Variants in TENM4 observed in about 807,000 individuals in gnomAD.
TENM4 encodes the protein teneurin transmembrane protein 4.
Under a neutral mutation model 243.3 loss-of-function variants are expected in TENM4, and 82 were observed. That is an observed-to-expected ratio of 0.34 (90% CI 0.28 to 0.40). The LOEUF is 0.40. Ranked by LOEUF, TENM4 falls within the 10% of genes least tolerant of loss-of-function variation. The pLI, the probability that TENM4 is intolerant of heterozygous loss-of-function variation, is 1.00. For synonymous variants in TENM4, 1,412 were observed against 1,456.3 expected, an observed-to-expected ratio of 0.97 and a Z score of 0.69; for missense variants, 3,138 against 3,673.3, an observed-to-expected ratio of 0.85 and a Z score of 3.77.
chr11:78,727,274 T>C (rs1167359495), intron 22 of TENM4, among the ~76,000 whole-genome samples: 3 of 152,108 alleles, frequency 2.0e-5, no homozygotes, highest in Admixed American at 6.5e-5. Context: ...TGGTGAAACC[T>C]CGTCTCTACT....
At chr11:78,670,634 G>T in intron 31 of TENM4, 83 bp from the exon 32 acceptor site, 2 of 1,283,232 alleles carry the variant, frequency 1.6e-6, no homozygotes, top group Non-Finnish European at 2.2e-6. Flanking sequence ...TTAAAGGGAC[G>T]GAATGAATGT....
At chr11:79,421,050 A>G (rs1858920505) in intron 1 of TENM4, among the ~76,000 whole-genome samples, 1 of 152,140 alleles carries the variant, frequency 6.6e-6, no homozygotes, top group Admixed American at 6.5e-5. Context: ...AGTATTTTTT[A>G]AATGTGTAAA....
rs911614461 is a variant in TENM4 at position 79,077,150 on chromosome 11, G to A, written c.-65-7141C>T. 3.9e-5 allele frequency among the ~76,000 whole-genome samples: 6 copies of A among 152,226 alleles called. No homozygotes were observed. In the South Asian group the frequency reaches 6.2e-4, roughly 16 times the overall value. ...GAGACTCCCTTCTTCTCTCCTCCCC[G>A]AACTCCCAGTTCCTACCCTCCTGTG... On this transcript the variant is annotated intron_variant, in intron 4 of 33. Transcript: ENST00000278550.
chr11:78,931,724 T>C (rs1010846298), intron 6 of TENM4, among the ~76,000 whole-genome samples: 6 of 152,230 alleles, frequency 3.9e-5, no homozygotes, highest in Non-Finnish European at 7.3e-5. Context: ...AGAGTACTAG[T>C]GGTTCTGAAA....
intron 1 of TENM4, among the ~76,000 whole-genome samples, chr11:79,389,158 C>CTGTT (rs1044472021): frequency 4.3e-4 from 65 of 151,656 alleles, no homozygotes; most frequent in Non-Finnish European, 3.2e-4. Flanking sequence ...TTTTTTTAGT[C>CTGTT]TGTTTGTTTG....
chr11:79,049,271 T>C (rs1859738189), intron 6 of TENM4, among the ~76,000 whole-genome samples: 1 of 152,274 alleles, frequency 6.6e-6, no homozygotes, highest in Non-Finnish European at 1.5e-5. Flanking sequence ...ACACGGCTCT[T>C]CCCCCCTACT....
At chr11:78,688,539 G>A in intron 28 of TENM4, among the ~76,000 whole-genome samples, 1 of 152,064 alleles carries the variant, frequency 6.6e-6, no homozygotes, top group East Asian at 1.9e-4. Context: ...AATTGTGAGG[G>A]GGAGAGATGA....
chr11:79,190,543 A>G (rs187803919), intron 3 of TENM4, among the ~76,000 whole-genome samples: 197 of 152,298 alleles, frequency 1.3e-3, no homozygotes, highest in Non-Finnish European at 2.1e-3. Flanking sequence ...ATGAGAGTCA[A>G]AAATAATACA....
intron 27 of TENM4, among the ~76,000 whole-genome samples, chr11:78,707,300 C>T (rs547450465): frequency 9.2e-5 from 14 of 152,366 alleles, no homozygotes; most frequent in African/African-American, 3.4e-4. Flanking sequence ...ATGGGCCTGG[C>T]CCAGCCAAAG....
chr11:78,766,705 A>AGT (rs1565370289), intron 18 of TENM4, among the ~76,000 whole-genome samples: 17 of 54,508 alleles, frequency 3.1e-4, no homozygotes, highest in African/African-American at 1.1e-3. Flanking sequence ...CGGCTCCCCC[A>AGT]ATTTTTTTTT....
chr11:78,941,327 T>C (rs974007952), intron 6 of TENM4, among the ~76,000 whole-genome samples: 7 of 152,224 alleles, frequency 4.6e-5, no homozygotes, highest in Non-Finnish European at 8.8e-5. Context: ...AAGGTGTTCC[T>C]GTGGAAAACT....
At chr11:78,939,858 T>C (rs1856853136) in intron 6 of TENM4, among the ~76,000 whole-genome samples, 1 of 152,170 alleles carries the variant, frequency 6.6e-6, no homozygotes, top group Non-Finnish European at 1.5e-5. Context: ...AGAGACTAGG[T>C]TCTTCAGATA....
chr11:79,209,306 TG>T (rs1590796078), intron 3 of TENM4, among the ~76,000 whole-genome samples: 6 of 152,238 alleles, frequency 3.9e-5, no homozygotes, highest in Middle Eastern at 3.4e-3. Context: ...CGGCCGGCCT[TG>T]GGAAAGGGCA....
intron 6 of TENM4, among the ~76,000 whole-genome samples, chr11:79,035,709 T>C (rs1290965910): frequency 6.6e-6 from 1 of 152,216 alleles, no homozygotes; most frequent in Admixed American, 6.5e-5. Flanking sequence ...AACTTACATT[T>C]ACCCAAATCT....
At chr11:78,720,323 G>A (rs758465556) in intron 25 of TENM4, 47 bp downstream of exon 25, 1 of 1,608,148 alleles carries the variant, frequency 6.2e-7, no homozygotes, top group South Asian at 1.1e-5. Flanking sequence ...CATACAGCAT[G>A]CAACAAGGCA....
chr11:79,161,472 G>A (rs1040612920), intron 3 of TENM4, among the ~76,000 whole-genome samples: 2 of 152,194 alleles, frequency 1.3e-5, no homozygotes, highest in African/African-American at 2.4e-5. Context: ...TAAATCCAAC[G>A]AGGGGCTCCT....
At chr11:78,841,319 C>T (rs1030396453) in intron 12 of TENM4, among the ~76,000 whole-genome samples, 1 of 152,202 alleles carries the variant, frequency 6.6e-6, no homozygotes, top group African/African-American at 2.4e-5. Context: ...CACACTGCCT[C>T]TCTTTATTGT....
intron 18 of TENM4, among the ~76,000 whole-genome samples, chr11:78,768,321 T>C (rs1430047830): frequency 1.3e-5 from 2 of 152,232 alleles, no homozygotes; most frequent in East Asian, 3.9e-4. Flanking sequence ...CAGCTGGTTC[T>C]ATTTCCAACC....
At chr11:79,057,717 T>A (rs1591247910) in intron 6 of TENM4, among the ~76,000 whole-genome samples, 2 of 152,230 alleles carry the variant, frequency 1.3e-5, no homozygotes, top group Non-Finnish European at 2.9e-5. Flanking sequence ...TGGTACATAG[T>A]AGGTGCTCAA....
Sources: gnomAD v4.1 joint callset for allele counts (sites outside exome capture counted in the v4.1 genomes callset) on GRCh38, gnomAD v4.1.1 for gene constraint, MANE v1.5 for transcripts, NCBI Gene and HGNC (gene_info 2026-07-23, HGNC 2026-07-21) for gene names.